The following TMTC3 variants were observed in gnomAD, a reference collection of about 807,000 sequenced individuals.
The protein encoded by TMTC3 is protein O-mannosyl-transferase TMTC3.
Under a neutral mutation model 92.2 loss-of-function variants are expected in TMTC3, and 52 were observed. The ratio of observed to expected loss-of-function variants is 0.56; its 90% CI spans 0.45 to 0.71. The LOEUF (loss-of-function observed/expected upper bound fraction) is 0.71. Ranked by LOEUF, TMTC3 falls within the 30% of genes least tolerant of loss-of-function variation. The pLI, the probability that TMTC3 is intolerant of heterozygous loss-of-function variation, is 0.00. For synonymous variants in TMTC3, 339 were observed against 363.3 expected, an observed-to-expected ratio of 0.93 and a Z score of 0.76; for missense variants, 896 against 1,057.1, an observed-to-expected ratio of 0.85 and a Z score of 2.11.
At chr12:88,142,946 G>A (rs529622182) in intron 1 of TMTC3, among the ~76,000 whole-genome samples, 4 of 152,232 alleles carry the variant, frequency 2.6e-5, no homozygotes, top group African/African-American at 7.2e-5. Context: ...GGACTCACCT[G>A]TACTATTGTT....
chr12:88,155,537 C>T (rs1203078750), intron 4 of TMTC3, among the ~76,000 whole-genome samples: 1 of 152,172 alleles, frequency 6.6e-6, no homozygotes, highest in Non-Finnish European at 1.5e-5. Context: ...CTAGATAGAC[C>T]TTCTTGCTGT....
chr12:88,165,526 C>A (rs944803789), intron 6 of TMTC3, among the ~76,000 whole-genome samples: 37 of 151,850 alleles, frequency 2.4e-4, no homozygotes, highest in African/African-American at 8.7e-4. Context: ...AAAATCAAGT[C>A]AAATAAGTGG....
chr12:88,147,065 T>C (rs1301830709), intron 1 of TMTC3, among the ~76,000 whole-genome samples: 1 of 149,906 alleles, frequency 6.7e-6, no homozygotes, highest in Non-Finnish European at 1.5e-5. Flanking sequence ...TATTATTGTA[T>C]ATTTTTATAT....
chr12:88,176,382 G>A (rs1357548829), intron 10 of TMTC3, 63 bp downstream of exon 10: 3 of 1,198,310 alleles, frequency 2.5e-6, no homozygotes, highest in Non-Finnish European at 3.5e-6. Context: ...ATTATCCTTG[G>A]GGGAAATAAG....
chr12:88,190,653 T>G (rs1565959274), intron 12 of TMTC3, 31 bp downstream of exon 12: 3 of 1,602,542 alleles, frequency 1.9e-6, no homozygotes, highest in Non-Finnish European at 2.6e-6. Flanking sequence ...GCTATCATTA[T>G]GGAATATTGA....
chr12:88,148,172 A>AT, intron 1 of TMTC3, 116 bp from the exon 2 acceptor site: 1 of 638,858 alleles, frequency 1.6e-6, no homozygotes, highest in Non-Finnish European at 2.7e-6. Context: ...AGTGGATGGC[A>AT]TTTTAGCTGC....
intron 6 of TMTC3, 87 bp downstream of exon 6, chr12:88,160,938 T>C: frequency 7.3e-7 from 1 of 1,366,590 alleles, no homozygotes; most frequent in Non-Finnish European, 9.9e-7. Flanking sequence ...AGTATTTTAT[T>C]TTGTTTTTTA....
intron 1 of TMTC3, among the ~76,000 whole-genome samples, 167 bp downstream of exon 1, chr12:88,142,654 C>T (rs1209340231): frequency 2.0e-5 from 3 of 152,326 alleles, no homozygotes; most frequent in African/African-American, 7.2e-5. Flanking sequence ...GTAGTGCCTT[C>T]TGTAAGAAGG....
intron 10 of TMTC3, among the ~76,000 whole-genome samples, chr12:88,183,579 A>G (rs1418222478): frequency 6.6e-6 from 1 of 152,080 alleles, no homozygotes; most frequent in African/African-American, 2.4e-5. Flanking sequence ...GCGGTAAGGT[A>G]GGTGACGGTT....
chr12:88,188,560 T>C (rs1007035553), intron 10 of TMTC3, among the ~76,000 whole-genome samples: 13 of 152,232 alleles, frequency 8.5e-5, no homozygotes, highest in Non-Finnish European at 1.5e-4. Context: ...AAATAGTTTT[T>C]TCATGCCATG....
rs2138450184 is a variant in TMTC3 at position 88,195,420 on chromosome 12, A to G, written c.2516A>G (p.Lys839Arg). 6.2e-7 allele frequency: 1 copy of G among 1,613,584 alleles called. No homozygotes were observed. Among genetic ancestry groups the G allele is most frequent in the Non-Finnish European group, 8.5e-7 (1 of 1,179,806 alleles). ...AGTAAGATTTCAAGTGTGGAAGGAA[A>G]GAAAATTCCAACTGAAAGTGTAAAA... The part of the protein sequence containing the change: ...PTSKISSVEG[K>R]KIPTESVKEI... Residue 839 changes from lysine (K) to arginine (R), a missense_variant, in exon 14 of 14, where the codon AAG (lysine) becomes AGG (arginine). Transcript: ENST00000266712.
intron 12 of TMTC3, among the ~76,000 whole-genome samples, chr12:88,191,377 A>G (rs1188976827): frequency 2.0e-5 from 3 of 152,206 alleles, no homozygotes; most frequent in African/African-American, 7.2e-5. Context: ...CATTAAAAAA[A>G]TAATATTTTG....
chr12:88,173,466 T>A (rs1172533289), intron 8 of TMTC3, among the ~76,000 whole-genome samples: 3 of 152,066 alleles, frequency 2.0e-5, no homozygotes, highest in African/African-American at 7.2e-5. Context: ...TATAACAAAG[T>A]GCCTCCTAGT....
intron 4 of TMTC3, among the ~76,000 whole-genome samples, chr12:88,159,272 A>G (rs1345797618): frequency 1.3e-5 from 2 of 152,172 alleles, no homozygotes; most frequent in African/African-American, 4.8e-5. Context: ...ACTTACTTAA[A>G]GTTGATGAAG....
chr12:88,166,327 C>T lies in TMTC3; in HGVS notation c.798-3C>T. ...GTAATCTTTTTTTTAATCCTTTATACAGGTTTGATAACCCAGCTGCTGTAA... is the reference window on the plus strand; with the variant it reads ...GTAATCTTTTTTTTAATCCTTTATATAGGTTTGATAACCCAGCTGCTGTAA... On this transcript the variant is annotated splice_polypyrimidine_tract_variant and splice_region_variant and intron_variant, in intron 6 of 13. Coordinates refer to ENST00000266712, the MANE Select transcript of TMTC3 (RefSeq NM_181783.4). 6.2e-7 allele frequency: 1 copy of T among 1,611,696 alleles called. No homozygotes were observed. Among genetic ancestry groups the T allele is most frequent in the South Asian group, 1.1e-5 (1 of 90,718 alleles).
chr12:88,176,782 C>G (rs78655795), intron 10 of TMTC3, among the ~76,000 whole-genome samples: 4,799 of 151,880 alleles, frequency 0.032, 113 homozygotes, highest in South Asian at 0.05. Flanking sequence ...GACTGTGTCT[C>G]AAAAACAAAC....
chr12:88,183,430 T>C (rs2041340893), intron 10 of TMTC3, among the ~76,000 whole-genome samples: 1 of 152,204 alleles, frequency 6.6e-6, no homozygotes, highest in African/African-American at 2.4e-5. Context: ...CTAATGCTGC[T>C]ACCTAAGACA....
chr12:88,156,903 A>G (rs1039202760), intron 4 of TMTC3, among the ~76,000 whole-genome samples: 6 of 151,494 alleles, frequency 4.0e-5, no homozygotes, highest in African/African-American at 1.5e-4. Flanking sequence ...GAAAGGACCA[A>G]CAGGTCAAGC....
At chr12:88,157,140 G>C (rs866229553) in intron 4 of TMTC3, among the ~76,000 whole-genome samples, 1 of 151,794 alleles carries the variant, frequency 6.6e-6, no homozygotes. Flanking sequence ...TAGGTGTTTA[G>C]TATGAGTATA....
Sources: gnomAD v4.1 joint callset for allele counts (sites outside exome capture counted in the v4.1 genomes callset) on GRCh38, gnomAD v4.1.1 for gene constraint, MANE v1.5 for transcripts, NCBI Gene and HGNC (gene_info 2026-07-23, HGNC 2026-07-21) for gene names.